Variants in PIP4K2A observed in about 807,000 individuals in gnomAD.
PIP4K2A encodes the protein phosphatidylinositol 5-phosphate 4-kinase type-2 alpha.
Under a neutral mutation model 42.9 loss-of-function variants are expected in PIP4K2A, and 14 were observed. The observed-to-expected ratio is 0.33, with a 90% CI of 0.22 to 0.51. The LOEUF (loss-of-function observed/expected upper bound fraction) is 0.51. PIP4K2A is among the 20% of genes least tolerant of loss of function. The pLI is 0.97. For missense variants in PIP4K2A, 434 were observed against 519.8 expected (o/e 0.83, Z 1.61); for synonymous variants, 192 against 192.2 (o/e 1.00, Z 0.01).
chr10:22,701,070 C>T (rs948786613), intron 1 of PIP4K2A, among the ~76,000 whole-genome samples: 2 of 152,180 alleles, frequency 1.3e-5, no homozygotes, highest in Admixed American at 6.5e-5. Context: ...CCATCCACCA[C>T]GCTAATTCAA....
At chr10:22,617,131 G>C (rs962110433) in intron 1 of PIP4K2A, among the ~76,000 whole-genome samples, 22 of 152,336 alleles carry the variant, frequency 1.4e-4, no homozygotes, top group African/African-American at 4.8e-4. Context: ...TCACATGCAA[G>C]TTCCCTCCAA....
chr10:22,590,460 G>C (rs72816839), intron 4 of PIP4K2A, among the ~76,000 whole-genome samples: 1,968 of 152,330 alleles, frequency 0.013, 24 homozygotes, highest in Middle Eastern at 0.065. Context: ...TGAGTATCTA[G>C]TGTGTGACAG....
chr10:22,668,307 T>C (rs1029260058), intron 1 of PIP4K2A, among the ~76,000 whole-genome samples: 2 of 152,200 alleles, frequency 1.3e-5, no homozygotes, highest in African/African-American at 4.8e-5. Context: ...TTTTAAAAGA[T>C]TCTCTCAACG....
intron 1 of PIP4K2A, among the ~76,000 whole-genome samples, chr10:22,645,329 T>C (rs942680274): frequency 6.6e-5 from 10 of 152,180 alleles, no homozygotes; most frequent in African/African-American, 2.4e-4. Flanking sequence ...GGGGATTACC[T>C]GAGCCCAGGA....
intron 6 of PIP4K2A, 77 bp from the exon 7 acceptor site, chr10:22,550,849 G>C (rs1836394259): frequency 1.2e-6 from 1 of 868,388 alleles, no homozygotes; most frequent in Non-Finnish European, 1.9e-6. Context: ...TCCAACCCTG[G>C]ACACTGAAGT....
In PIP4K2A at chr10:22,591,618, A is replaced by G. The variant is rs1247067029; in HGVS notation, c.492+11T>C. ...TTCTTGGAGTTTCAAATAAAGATCA[A>G]GAAAAATTACCTGGTGGTATTTCTT... On this transcript the variant is annotated intron_variant, in intron 4 of 9. Coordinates refer to ENST00000376573, the MANE Select transcript of PIP4K2A (RefSeq NM_005028.5). The G allele has an allele frequency of 3.9e-5, 62 of 1,595,378 alleles. No homozygotes were observed. The highest frequency in any genetic ancestry group is 4.8e-5 in the Non-Finnish European group (56 of 1,168,506).
intron 1 of PIP4K2A, among the ~76,000 whole-genome samples, chr10:22,647,545 A>T (rs916230698): frequency 1.3e-5 from 2 of 152,176 alleles, no homozygotes; most frequent in South Asian, 4.1e-4. Context: ...GATCTACACA[A>T]CATGGACAAC....
intron 4 of PIP4K2A, among the ~76,000 whole-genome samples, 185 bp downstream of exon 4, chr10:22,591,444 A>T (rs1174850557): frequency 6.6e-6 from 1 of 152,268 alleles, no homozygotes; most frequent in African/African-American, 2.4e-5. Context: ...TAGCACAAGC[A>T]TGCCTAAAGG....
intron 3 of PIP4K2A, among the ~76,000 whole-genome samples, chr10:22,593,345 A>G (rs1298584465): frequency 6.6e-6 from 1 of 152,130 alleles, no homozygotes; most frequent in Non-Finnish European, 1.5e-5. Context: ...ACTTGAGAGA[A>G]GGAAAAAAAA....
chr10:22,632,601 T>C (rs1838572174), intron 1 of PIP4K2A, among the ~76,000 whole-genome samples: 1 of 152,202 alleles, frequency 6.6e-6, no homozygotes, highest in Admixed American at 6.5e-5. Flanking sequence ...ATCTGCTCTA[T>C]TCCATGTGCA....
At chr10:22,596,248 C>T (rs1182833229) in intron 3 of PIP4K2A, among the ~76,000 whole-genome samples, 3 of 146,404 alleles carry the variant, frequency 2.0e-5, no homozygotes, top group Non-Finnish European at 3.0e-5. Flanking sequence ...AGACTCGACT[C>T]GTTGCTCTAG....
At chr10:22,597,927 G>T (rs144621007) in intron 3 of PIP4K2A, among the ~76,000 whole-genome samples, 56 of 152,146 alleles carry the variant, frequency 3.7e-4, no homozygotes, top group Non-Finnish European at 7.1e-4. Flanking sequence ...CTGTCTTCAG[G>T]AGAAAGCAGC....
chr10:22,689,156 C>T (rs938848173), intron 1 of PIP4K2A, among the ~76,000 whole-genome samples: 3 of 152,098 alleles, frequency 2.0e-5, no homozygotes, highest in Non-Finnish European at 4.4e-5. Context: ...ACTGTCCTTC[C>T]TCCCCTCCTC....
intron 3 of PIP4K2A, among the ~76,000 whole-genome samples, chr10:22,595,867 C>T (rs1469699298): frequency 6.6e-6 from 1 of 152,044 alleles, no homozygotes; most frequent in African/African-American, 2.4e-5. Context: ...GGGGAGAGAA[C>T]AGGCTGAATT....
chr10:22,655,168 G>A (rs1235853649), intron 1 of PIP4K2A, among the ~76,000 whole-genome samples: 1 of 152,210 alleles, frequency 6.6e-6, no homozygotes, highest in Non-Finnish European at 1.5e-5. Context: ...TAAATTGATA[G>A]AAGCCCTGGG....
chr10:22,565,840 C>A (rs1221699304), intron 6 of PIP4K2A, among the ~76,000 whole-genome samples: 1 of 150,660 alleles, frequency 6.6e-6, no homozygotes, highest in Non-Finnish European at 1.5e-5. Context: ...TATAAACAGC[C>A]CCCCCAGGTG....
At chr10:22,698,607 A>T (rs2130912318) in intron 1 of PIP4K2A, among the ~76,000 whole-genome samples, 1 of 152,370 alleles carries the variant, frequency 6.6e-6, no homozygotes, top group South Asian at 2.1e-4. Context: ...AAGGAATAGC[A>T]GTTTTTGCCA....
At chr10:22,601,418 T>TG (rs1313016964) in intron 3 of PIP4K2A, among the ~76,000 whole-genome samples, 2 of 152,160 alleles carry the variant, frequency 1.3e-5, no homozygotes, top group African/African-American at 4.8e-5. Context: ...CTGCTGACCC[T>TG]GATGGGCTGT....
chr10:22,607,850 C>T (rs2765997), intron 3 of PIP4K2A, 77 bp downstream of exon 3: 529,531 of 810,360 alleles, frequency 0.65, 176,929 homozygotes, highest in East Asian at 0.95. Context: ...GACAAAAATA[C>T]AGATCCCAAT....
Sources: gnomAD v4.1 joint callset for allele counts (sites outside exome capture counted in the v4.1 genomes callset) on GRCh38, gnomAD v4.1.1 for gene constraint, MANE v1.5 for transcripts, NCBI Gene and HGNC (gene_info 2026-07-23, HGNC 2026-07-21) for gene names.